The following ESRRG variants were observed in gnomAD, a reference collection of about 807,000 sequenced individuals.
ESRRG encodes the protein estrogen-related receptor gamma.
Under a neutral mutation model 44.0 loss-of-function variants are expected in ESRRG, and 13 were observed. The observed-to-expected ratio is 0.30, with a 90% confidence interval of 0.19 to 0.47. The LOEUF (loss-of-function observed/expected upper bound fraction) is 0.47, where lower values mean the gene tolerates loss of function less well. Ranked by LOEUF, ESRRG falls within the 20% of genes least tolerant of loss-of-function variation. ESRRG has a pLI of 1.00. For synonymous variants in ESRRG, 215 were observed against 214.6 expected (o/e 1.00, Z -0.02); for missense variants, 395 against 580.6 (o/e 0.68, Z 3.29).
intron 1 of ESRRG, among the ~76,000 whole-genome samples, chr1:217,107,784 A>G (rs1279694526): frequency 1.3e-5 from 2 of 152,338 alleles, no homozygotes; most frequent in African/African-American, 4.8e-5. Flanking sequence ...AGTATTTTCC[A>G]TCTTTCTTAT....
chr1:217,109,687 C>G (rs1364670696), intron 1 of ESRRG, among the ~76,000 whole-genome samples: 1 of 152,158 alleles, frequency 6.6e-6, no homozygotes, highest in African/African-American at 2.4e-5. Flanking sequence ...CCCACCTGCT[C>G]TCCTCACCAA....
chr1:216,905,435 T>C (rs1203783226), intron 2 of ESRRG, among the ~76,000 whole-genome samples: 6 of 152,188 alleles, frequency 3.9e-5, no homozygotes, highest in Admixed American at 6.5e-5. Context: ...TGTTCAGCTC[T>C]CGGCTCAAAG....
At chr1:216,622,147 A>C (rs2062353799) in intron 3 of ESRRG, among the ~76,000 whole-genome samples, 1 of 152,230 alleles carries the variant, frequency 6.6e-6, no homozygotes, top group Non-Finnish European at 1.5e-5. Context: ...ACTTGACTCT[A>C]GCCAAAATGA....
intron 1 of ESRRG, among the ~76,000 whole-genome samples, chr1:217,042,477 C>CAG (rs552341122): frequency 8.0e-4 from 32 of 39,890 alleles, no homozygotes; most frequent in African/African-American, 3.3e-3. Context: ...CACACAAACA[C>CAG]ACACACACAC....
chr1:216,754,702 CT>C (rs202242433), intron 2 of ESRRG, among the ~76,000 whole-genome samples: 8,054 of 121,150 alleles, frequency 0.066, 224 homozygotes, highest in East Asian at 0.11. Flanking sequence ...AGAGAAAGAA[CT>C]TTTTTTTTTT....
intron 2 of ESRRG, among the ~76,000 whole-genome samples, chr1:216,828,190 C>T (rs1351263881): frequency 6.6e-6 from 1 of 152,128 alleles, no homozygotes; most frequent in African/African-American, 2.4e-5. Context: ...CGTAGTCCTC[C>T]TAGCTATTAT....
intron 2 of ESRRG, among the ~76,000 whole-genome samples, chr1:216,804,732 A>G (rs1409665422): frequency 6.6e-6 from 1 of 152,094 alleles, no homozygotes; most frequent in Admixed American, 6.6e-5. Context: ...AGGGAGTGAT[A>G]AAAAGAATTG....
At chr1:216,514,127 A>G (rs368467144) in intron 6 of ESRRG, among the ~76,000 whole-genome samples, 11 of 152,292 alleles carry the variant, frequency 7.2e-5, no homozygotes, top group East Asian at 3.9e-4. Flanking sequence ...ACCATTGAAC[A>G]TGAAAAGAAA....
At chr1:216,810,728 T>C (rs559058117) in intron 2 of ESRRG, among the ~76,000 whole-genome samples, 80 of 147,864 alleles carry the variant, frequency 5.4e-4, no homozygotes, top group Non-Finnish European at 1.0e-3. Flanking sequence ...GTGTATGATA[T>C]ACACATGTAT....
intron 1 of ESRRG, among the ~76,000 whole-genome samples, chr1:217,013,036 G>T (rs967742399): frequency 5.3e-5 from 8 of 152,138 alleles, no homozygotes; most frequent in Non-Finnish European, 8.8e-5. Context: ...TTCTATGCAT[G>T]TTGTCTCTGT....
chr1:216,957,114 A>G (rs2068091319), intron 1 of ESRRG, among the ~76,000 whole-genome samples: 1 of 152,146 alleles, frequency 6.6e-6, no homozygotes, highest in Non-Finnish European at 1.5e-5. Context: ...GAACATTAGG[A>G]ATATCACTTT....
At chr1:216,662,430 C>G (rs559317294) in intron 2 of ESRRG, among the ~76,000 whole-genome samples, 2 of 152,248 alleles carry the variant, frequency 1.3e-5, no homozygotes, top group Admixed American at 6.6e-5. Flanking sequence ...TCAGATAGCA[C>G]TGCTGGCTGG....
chr1:217,130,066 A>T (rs114180502), intron 1 of ESRRG, among the ~76,000 whole-genome samples: 8 of 152,224 alleles, frequency 5.3e-5, no homozygotes, highest in Admixed American at 4.6e-4. Flanking sequence ...AATTTCACAC[A>T]ATATATCACC....
At chr1:217,030,253 T>C (rs2081883650) in intron 1 of ESRRG, among the ~76,000 whole-genome samples, 3 of 152,080 alleles carry the variant, frequency 2.0e-5, no homozygotes, top group African/African-American at 4.8e-5. Context: ...TCTGTGGCCA[T>C]AGATAACAGC....
intron 1 of ESRRG, among the ~76,000 whole-genome samples, chr1:217,003,022 A>G (rs895860724): frequency 6.6e-6 from 1 of 152,212 alleles, no homozygotes; most frequent in African/African-American, 2.4e-5. Flanking sequence ...TATATTCCAA[A>G]TAATCTGTAC....
chr1:216,872,572 T>C (rs367888669), intron 2 of ESRRG, among the ~76,000 whole-genome samples: 1 of 152,220 alleles, frequency 6.6e-6, no homozygotes, highest in African/African-American at 2.4e-5. Context: ...TCCTCTTCCA[T>C]TGCCATTTTC....
At chr1:217,101,870 G>A (rs889565452) in intron 1 of ESRRG, among the ~76,000 whole-genome samples, 3 of 152,112 alleles carry the variant, frequency 2.0e-5, no homozygotes, top group South Asian at 2.1e-4. Context: ...GCAATGATGC[G>A]ATCTTGGCTC....
At position 217,102,365 on chromosome 1, in the gene ESRRG, TA is replaced by T. The variant is rs371850405; in HGVS notation, c.-230+35301del. ...CATACAGCATTGCTGCTATTATTTT[TA>T]AAATAATAATAATTAATATGTGTTA... On this transcript the variant is annotated intron_variant, in intron 1 of 8. Coordinates refer to the ESRRG transcript ENST00000366940. 7.1e-4 allele frequency among the ~76,000 whole-genome samples: 108 copies of T among 152,326 alleles called. No individual in the cohort carries two copies. In the East Asian group the frequency reaches 9.8e-3, roughly 14 times the overall value.
intron 4 of ESRRG, among the ~76,000 whole-genome samples, chr1:216,567,444 C>A (rs997494959): frequency 1.3e-5 from 2 of 152,244 alleles, no homozygotes; most frequent in African/African-American, 2.4e-5. Flanking sequence ...AACCAGCCAC[C>A]TATGCTTGTT....
Sources: gnomAD v4.1 joint callset for allele counts (sites outside exome capture counted in the v4.1 genomes callset) on GRCh38, gnomAD v4.1.1 for gene constraint, MANE v1.5 for transcripts, NCBI Gene and HGNC (gene_info 2026-07-23, HGNC 2026-07-21) for gene names.